The following TLK1 variants were observed in gnomAD, a reference collection of about 807,000 sequenced individuals.
TLK1 encodes the protein serine/threonine-protein kinase tousled-like 1.
TLK1 carries 24 observed loss-of-function variants against 105.3 expected under a neutral mutation model. The observed-to-expected ratio is 0.23, with a 90% CI of 0.17 to 0.32. The LOEUF (loss-of-function observed/expected upper bound fraction) is 0.32. Among genes scored for constraint, TLK1 ranks in the 10% least tolerant of loss-of-function variants. The pLI, the probability that TLK1 is intolerant of heterozygous loss-of-function variation, is 1.00. For synonymous variants in TLK1, 321 were observed against 310.4 expected, an observed-to-expected ratio of 1.03 and a Z score of -0.36; for missense variants, 558 against 910.5, an observed-to-expected ratio of 0.61 and a Z score of 4.98.
chr2:171,048,626 GAAA>G (rs67114326), intron 10 of TLK1, among the ~76,000 whole-genome samples: 6 of 151,036 alleles, frequency 4.0e-5, no homozygotes, highest in African/African-American at 7.3e-5. Flanking sequence ...CTGCAGAATT[GAAA>G]CCCAAACTCT....
Position 170,993,736 on chromosome 2 carries a change from T to C in TLK1, c.*44A>G. The stretch of plus-strand genomic sequence containing the variant: ...AAATGCTCTCAAACTTAAGTGTGCA[T>C]CTGGAAGCAAATTCAAAGATATCAT... On this transcript the variant is annotated 3_prime_UTR_variant, in exon 21 of 21. Coordinates refer to ENST00000431350, the MANE Select transcript of TLK1 (RefSeq NM_012290.5). The C allele has an allele frequency of 7.2e-7, 1 of 1,389,018 alleles. No homozygotes were observed. The highest frequency in any genetic ancestry group is 2.8e-5 in the East Asian group (1 of 35,268). The allele number at this position is 1,389,018 out of a possible 1,614,324, so 86.0% of individuals were successfully genotyped here.
chr2:171,003,273 C>CA (rs777049271), intron 18 of TLK1, among the ~76,000 whole-genome samples: 4,367 of 67,670 alleles, frequency 0.065, 715 homozygotes, highest in Non-Finnish European at 0.083. Flanking sequence ...GACTCCGTCT[C>CA]AAAAAAAAAA....
chr2:171,120,581 G>A (rs529581714), intron 1 of TLK1, among the ~76,000 whole-genome samples: 10 of 152,112 alleles, frequency 6.6e-5, no homozygotes, highest in East Asian at 1.9e-4. Flanking sequence ...TCAAAATCAC[G>A]GTGAGACACC....
Position 171,160,735 on chromosome 2 carries a change from C to CG in TLK1, c.-308dup. 1 of 445,448 alleles carries CG rather than the reference C, an allele frequency of 2.2e-6. No individual in the cohort carries two copies. Among genetic ancestry groups the CG allele is most frequent in the Non-Finnish European group, 3.9e-6 (1 of 259,578 alleles). The allele number at this position is 445,448 out of a possible 1,614,324, so 27.6% of individuals were successfully genotyped here. On this transcript the variant is annotated 5_prime_UTR_variant, in exon 1 of 21. Coordinates refer to ENST00000431350, the MANE Select transcript of TLK1 (RefSeq NM_012290.5). The surrounding 1 kb of genome is among the most constrained non-coding windows in gnomAD (Gnocchi z 4.4). ...GGCGTCGAGGGGGTGCCAGCCGGGC[C>CG]GGGGTCGGAGCGCGGGCGGAGCGCG...
At chr2:171,068,283 C>G (rs1361849105) in intron 3 of TLK1, among the ~76,000 whole-genome samples, 4 of 151,972 alleles carry the variant, frequency 2.6e-5, no homozygotes, top group African/African-American at 7.3e-5. Context: ...GAGCCAAGAT[C>G]GCGCCATTGC....
chr2:171,046,097 A>T, intron 11 of TLK1, 77 bp downstream of exon 11: 1 of 1,263,064 alleles, frequency 7.9e-7, no homozygotes, highest in Non-Finnish European at 1.1e-6. Flanking sequence ...AGTATTAATT[A>T]TAAATAACAT....
intron 1 of TLK1, among the ~76,000 whole-genome samples, chr2:171,156,171 C>G (rs1441754811): frequency 6.6e-6 from 1 of 152,204 alleles, no homozygotes; most frequent in Admixed American, 6.5e-5. Context: ...AACCATATAT[C>G]TACATGAAGC....
intron 11 of TLK1, among the ~76,000 whole-genome samples, chr2:171,041,905 T>C (rs574371230): frequency 8.5e-5 from 13 of 152,310 alleles, no homozygotes; most frequent in African/African-American, 1.7e-4. Context: ...TTTTAAAAGA[T>C]AGTTTGCCAA....
At chr2:171,181,653 G>A (rs887966931) in intron 1 of TLK1, among the ~76,000 whole-genome samples, 2 of 152,126 alleles carry the variant, frequency 1.3e-5, no homozygotes, top group African/African-American at 4.8e-5. Context: ...CAAGGAGAGG[G>A]AGAGGCACCT....
chr2:171,189,877 G>A (rs2105312951), intron 1 of TLK1, among the ~76,000 whole-genome samples: 1 of 152,280 alleles, frequency 6.6e-6, no homozygotes, highest in Admixed American at 6.5e-5. Flanking sequence ...TCAGAAAGCA[G>A]TGAGCCAAGA....
intron 2 of TLK1, among the ~76,000 whole-genome samples, chr2:171,086,061 T>C (rs925400378): frequency 6.6e-6 from 1 of 152,202 alleles, no homozygotes; most frequent in Non-Finnish European, 1.5e-5. Context: ...AATTTCATAA[T>C]TCACAGTATA....
At chr2:170,996,837 A>G in intron 19 of TLK1, 77 bp from the exon 20 acceptor site, 1 of 1,284,274 alleles carries the variant, frequency 7.8e-7, no homozygotes, top group Non-Finnish European at 1.1e-6. Flanking sequence ...GTTTAAGCGA[A>G]TTCCCAAAAC....
chr2:171,160,510 G>A lies in TLK1; in HGVS notation c.-82C>T, dbSNP rs893572058. The A allele has an allele frequency of 2.8e-5, 44 of 1,567,570 alleles. No homozygotes were observed. The Admixed American group carries it at 3.6e-4, about 13-fold the overall frequency. On this transcript the variant is annotated 5_prime_UTR_variant, in exon 1 of 21. Coordinates refer to ENST00000431350, the MANE Select transcript of TLK1 (RefSeq NM_012290.5). This position sits in a 1 kb window ranked among gnomAD's most constrained non-coding sequence, Gnocchi z 4.4. The stretch of plus-strand genomic sequence containing the variant: ...ACCGGCACCCGCCTCCGTCATGGCG[G>A]GGGCCGCGCTGAGGGCGAGCGAGAG...
intron 2 of TLK1, among the ~76,000 whole-genome samples, chr2:171,116,212 T>G (rs911850236): frequency 1.3e-5 from 2 of 152,018 alleles, no homozygotes; most frequent in Non-Finnish European, 2.9e-5. Flanking sequence ...ACAGAGACCA[T>G]GAACAAAGTA....
Position 171,212,087 on chromosome 2 carries a change from C to G in TLK1, c.-6+19058G>C, listed in dbSNP as rs547062787. ...TCTCGAACTCCTGACTTCAGGTGAT[C>G]CACCTACCTCCCAAAGTGCTGGGAT... On this transcript the variant is annotated intron_variant, in intron 1 of 20. Coordinates refer to the TLK1 transcript ENST00000521943. 6.1e-5 allele frequency among the ~76,000 whole-genome samples: 9 copies of G among 148,668 alleles called. No individual in the cohort carries two copies. In the East Asian group the frequency reaches 1.8e-3, roughly 30 times the overall value.
intron 11 of TLK1, among the ~76,000 whole-genome samples, chr2:171,042,563 T>G (rs914715111): frequency 1.3e-5 from 2 of 152,196 alleles, no homozygotes; most frequent in African/African-American, 4.8e-5. Context: ...TTGTGTATTG[T>G]AATTTAGTAT....
At chr2:171,102,836 AAC>A (rs1689748989) in intron 2 of TLK1, among the ~76,000 whole-genome samples, 1 of 152,224 alleles carries the variant, frequency 6.6e-6, no homozygotes, top group African/African-American at 2.4e-5. Flanking sequence ...CAGTGAAAAA[AAC>A]AGACTGAAGT....
chr2:171,021,593 C>G (rs1685510444), intron 12 of TLK1, among the ~76,000 whole-genome samples: 1 of 151,682 alleles, frequency 6.6e-6, no homozygotes. Flanking sequence ...ACCTAGTCTT[C>G]TACATGCTCA....
At chr2:171,086,730 T>G (rs1688997192) in intron 2 of TLK1, among the ~76,000 whole-genome samples, 1 of 151,324 alleles carries the variant, frequency 6.6e-6, no homozygotes. Flanking sequence ...GAGGGGAAGG[T>G]CCCGGAGATC....
Sources: allele counts gnomAD v4.1 joint callset (sites outside exome capture counted in the v4.1 genomes callset), GRCh38; gene constraint gnomAD v4.1.1; non-coding constraint Gnocchi (gnomAD v3.1); transcripts MANE v1.5; gene names NCBI Gene and HGNC (gene_info 2026-07-23, HGNC 2026-07-21).